The following ARHGAP15 variants were observed in gnomAD, a reference collection of about 807,000 sequenced individuals.
The protein encoded by ARHGAP15 is Rho GTPase activating protein 15.
Under a neutral mutation model 63.7 loss-of-function variants are expected in ARHGAP15, and 51 were observed. That is an observed-to-expected ratio of 0.80 (90% CI 0.64 to 1.01). The LOEUF is 1.01. Among genes scored for constraint, ARHGAP15 ranks in the 50% least tolerant of loss-of-function variants. The pLI, the probability that ARHGAP15 is intolerant of heterozygous loss-of-function variation, is 0.00. For missense variants in ARHGAP15, 560 were observed against 564.6 expected, an observed-to-expected ratio of 0.99 and a Z score of 0.08; for synonymous variants, 191 against 193.8, an observed-to-expected ratio of 0.99 and a Z score of 0.12.
intron 2 of ARHGAP15, among the ~76,000 whole-genome samples, chr2:143,185,420 A>AG (rs1043732730): frequency 2.6e-5 from 4 of 151,992 alleles, no homozygotes; most frequent in African/African-American, 9.7e-5. Flanking sequence ...TTGGTTTTTA[A>AG]TCTCTGATTG....
chr2:143,767,906 G>A (rs1267448329), intron 13 of ARHGAP15, 83 bp from the exon 14 acceptor site: 3 of 1,317,080 alleles, frequency 2.3e-6, no homozygotes, highest in African/African-American at 3.0e-5. Flanking sequence ...TCCTGAATGA[G>A]AAACCTTTTT....
intron 6 of ARHGAP15, among the ~76,000 whole-genome samples, chr2:143,333,260 T>C (rs574148158): frequency 1.3e-5 from 2 of 152,308 alleles, no homozygotes; most frequent in South Asian, 4.1e-4. Flanking sequence ...ATGAATACTT[T>C]CCTCAGTTAG....
intron 11 of ARHGAP15, among the ~76,000 whole-genome samples, chr2:143,618,863 G>A (rs1029766615): frequency 8.7e-4 from 132 of 150,926 alleles, no homozygotes; most frequent in African/African-American, 3.2e-3. Context: ...ACGGAGTCTC[G>A]CTCCGTCACC....
chr2:143,523,273 T>C (rs1196935625), intron 10 of ARHGAP15, among the ~76,000 whole-genome samples: 1 of 152,154 alleles, frequency 6.6e-6, no homozygotes, highest in Middle Eastern at 3.4e-3. Flanking sequence ...CTGTGATAAG[T>C]ACTATGAGAG....
At chr2:143,706,568 C>A (rs1186562549) in intron 13 of ARHGAP15, 1 of 152,070 alleles carries the variant, frequency 6.6e-6, no homozygotes, top group South Asian at 2.1e-4. Flanking sequence ...AAGCTTAATG[C>A]GGCACAGTTG....
intron 11 of ARHGAP15, among the ~76,000 whole-genome samples, chr2:143,566,893 CT>C (rs11321734): frequency 0.3 from 43,687 of 145,960 alleles, 7,065 homozygotes; most frequent in African/African-American, 0.46. Flanking sequence ...CTTGCTGCTG[CT>C]TTTTTTTTTT....
intron 6 of ARHGAP15, among the ~76,000 whole-genome samples, chr2:143,339,001 A>G (rs1035597341): frequency 2.0e-5 from 3 of 152,176 alleles, no homozygotes; most frequent in Non-Finnish European, 2.9e-5. Flanking sequence ...ATAACAAGCA[A>G]TAAGTATGAG....
chr2:143,480,151 A>T (rs149531103), intron 8 of ARHGAP15, among the ~76,000 whole-genome samples: 2 of 152,332 alleles, frequency 1.3e-5, no homozygotes, highest in Non-Finnish European at 2.9e-5. Flanking sequence ...AAATAAAAAT[A>T]CTAAGTCTAT....
At chr2:143,378,645 T>G (rs1018382197) in intron 6 of ARHGAP15, among the ~76,000 whole-genome samples, 1 of 152,058 alleles carries the variant, frequency 6.6e-6, no homozygotes, top group African/African-American at 2.4e-5. Flanking sequence ...CTAAGCACCA[T>G]CCTCTACCAG....
intron 13 of ARHGAP15, chr2:143,741,310 A>T (rs1220663925): frequency 1.3e-5 from 2 of 152,214 alleles, no homozygotes; most frequent in East Asian, 3.8e-4. Flanking sequence ...AAGCATTTTG[A>T]CTTCTTTTAT....
chr2:143,250,656 T>C (rs1680110800), intron 6 of ARHGAP15, 56 bp downstream of exon 6: 1 of 1,437,246 alleles, frequency 7.0e-7, no homozygotes. Flanking sequence ...CTGAGCTCTC[T>C]TGGGTAACTA....
At chr2:143,255,273 C>T (rs959409497) in intron 6 of ARHGAP15, among the ~76,000 whole-genome samples, 6 of 151,924 alleles carry the variant, frequency 3.9e-5, no homozygotes, top group African/African-American at 7.3e-5. Context: ...TATCCTCCCC[C>T]CGCCACCACC....
intron 11 of ARHGAP15, among the ~76,000 whole-genome samples, chr2:143,557,135 C>G (rs1016249480): frequency 1.3e-5 from 2 of 152,090 alleles, no homozygotes; most frequent in African/African-American, 2.4e-5. Flanking sequence ...TCCAGTACTT[C>G]TTGGTACTAA....
chr2:143,507,593 C>T (rs930916629), intron 9 of ARHGAP15, among the ~76,000 whole-genome samples: 7 of 152,156 alleles, frequency 4.6e-5, no homozygotes, highest in Non-Finnish European at 7.4e-5. Flanking sequence ...CATGCAGCTT[C>T]GAATTCCATC....
rs75905917 is a variant in ARHGAP15, at chr2:143,280,665, G to A, written c.474+30065G>A. ...CTTCATTCATCAAAATGTATTATCT[G>A]TCTATGGTGCCTTCTTGTGAAGCAT... On this transcript the variant is annotated intron_variant, in intron 6 of 13. Transcript: ENST00000295095. 3.3e-3 allele frequency among the ~76,000 whole-genome samples: 498 copies of A among 152,168 alleles called. 17 individuals carry two copies. In the East Asian group the frequency reaches 0.079, roughly 24 times the overall value.
At chr2:143,299,996 T>C (rs573395455) in intron 6 of ARHGAP15, among the ~76,000 whole-genome samples, 2 of 152,166 alleles carry the variant, frequency 1.3e-5, no homozygotes, top group East Asian at 3.9e-4. Flanking sequence ...AATACACTTG[T>C]AAATGAGGCA....
chr2:143,757,366 C>A (rs1158812849), intron 13 of ARHGAP15, among the ~76,000 whole-genome samples: 1 of 152,000 alleles, frequency 6.6e-6, no homozygotes, highest in Non-Finnish European at 1.5e-5. Flanking sequence ...AAAAAATTAG[C>A]CAGGCATGGT....
At chr2:143,512,961 T>G (rs371277900) in intron 9 of ARHGAP15, among the ~76,000 whole-genome samples, 48 of 152,350 alleles carry the variant, frequency 3.2e-4, no homozygotes, top group South Asian at 1.0e-3. Flanking sequence ...TCTCTCAGTA[T>G]CCAAATTCTA....
chr2:143,667,974 C>G (rs902050109), intron 12 of ARHGAP15, among the ~76,000 whole-genome samples: 86 of 151,880 alleles, frequency 5.7e-4, no homozygotes, highest in Admixed American at 9.2e-4. Flanking sequence ...GGTGACAGAG[C>G]AAGACCCTGT....
Sources: gnomAD v4.1 joint callset for allele counts (sites outside exome capture counted in the v4.1 genomes callset) on GRCh38, gnomAD v4.1.1 for gene constraint, MANE v1.5 for transcripts, NCBI Gene and HGNC (gene_info 2026-07-23, HGNC 2026-07-21) for gene names.